Variants in MAMDC2 observed in about 807,000 individuals in gnomAD.
MAMDC2 encodes the protein MAM domain-containing protein 2.
Under a neutral mutation model 89.8 loss-of-function variants are expected in MAMDC2, and 57 were observed. The observed-to-expected ratio is 0.63, with a 90% CI of 0.51 to 0.79. The LOEUF (loss-of-function observed/expected upper bound fraction) is 0.79. Ranked by LOEUF, MAMDC2 falls within the 30% of genes least tolerant of loss-of-function variation. The probability of loss-of-function intolerance (pLI) is 0.00; values close to 1 mark genes in which losing one functional copy is unlikely to be tolerated. For synonymous variants in MAMDC2, 313 were observed against 293.4 expected (o/e 1.07, Z -0.68); for missense variants, 800 against 820.6 (o/e 0.97, Z 0.31).
At chr9:70,225,720 T>C (rs1195001625) in intron 12 of MAMDC2, 30 bp from the exon 13 acceptor site, 21 of 1,403,680 alleles carry the variant, frequency 1.5e-5, no homozygotes, top group Non-Finnish European at 2.0e-5. Context: ...GATGATTCTA[T>C]TTCTAAATTC....
chr9:70,114,298 G>A (rs1188632924), intron 5 of MAMDC2, among the ~76,000 whole-genome samples: 4 of 147,922 alleles, frequency 2.7e-5, no homozygotes, highest in African/African-American at 1.0e-4. Context: ...CAGAGACCCT[G>A]TGCAAAGGTT....
upstream of MAMDC2, chr9:70,043,714 CCA>C (rs1826660021): frequency 6.2e-6 from 1 of 160,218 alleles, no homozygotes; most frequent in Non-Finnish European, 1.4e-5. Context: ...AAGCGAGTTC[CCA>C]CCGCGGCTGG....
chr9:70,107,327 A>G (rs1828368843), intron 2 of MAMDC2, among the ~76,000 whole-genome samples: 1 of 152,134 alleles, frequency 6.6e-6, no homozygotes, highest in South Asian at 2.1e-4. Context: ...TTAGGAGGGT[A>G]GAGGGAGAAG....
chr9:70,132,318 A>C (rs1587500311), intron 7 of MAMDC2, among the ~76,000 whole-genome samples: 1 of 152,174 alleles, frequency 6.6e-6, no homozygotes, highest in Non-Finnish European at 1.5e-5. Context: ...ACCCAGATAA[A>C]TAAAATTGAC....
At chr9:70,167,973 A>T (rs956016394) in intron 9 of MAMDC2, among the ~76,000 whole-genome samples, 9 of 152,214 alleles carry the variant, frequency 5.9e-5, no homozygotes, top group Non-Finnish European at 1.2e-4. Context: ...TTTCCAAAAA[A>T]TCAATAGTGT....
At chr9:70,103,921 G>A (rs1828265414) in intron 2 of MAMDC2, among the ~76,000 whole-genome samples, 1 of 151,754 alleles carries the variant, frequency 6.6e-6, no homozygotes, top group Admixed American at 6.6e-5. Flanking sequence ...GGTGGAGGTT[G>A]CAGTGAGCCG....
At chr9:70,098,276 C>G (rs1217055989) in intron 2 of MAMDC2, among the ~76,000 whole-genome samples, 1 of 152,182 alleles carries the variant, frequency 6.6e-6, no homozygotes, top group Non-Finnish European at 1.5e-5. Context: ...CACTTACCAC[C>G]CTTTGGCAGG....
At position 70,065,440 on chromosome 9, in the gene MAMDC2, A is replaced by G. The variant is rs150413567; in HGVS notation, c.148+20743A>G. Among the ~76,000 whole-genome samples the G allele has an allele frequency of 4.8e-4, 73 of 152,286 alleles. No homozygotes were observed. In the East Asian group the frequency reaches 0.014, roughly 29 times the overall value. ...TTAAAATAGTATTTTAGTCTATTTTAAATGGCTTTGCTTTAGGAGATGCCT... is the reference window on the plus strand; with the variant it reads ...TTAAAATAGTATTTTAGTCTATTTTGAATGGCTTTGCTTTAGGAGATGCCT... On this transcript the variant is annotated intron_variant, in intron 2 of 13. Transcript: ENST00000377182.
At chr9:70,209,619 CG>C (rs2033307389) in intron 11 of MAMDC2, among the ~76,000 whole-genome samples, 1 of 151,426 alleles carries the variant, frequency 6.6e-6, no homozygotes, top group East Asian at 1.9e-4. Context: ...AAGGGTCTTT[CG>C]TATCTCTATC....
intron 2 of MAMDC2, among the ~76,000 whole-genome samples, chr9:70,091,832 A>T (rs988022842): frequency 1.3e-5 from 2 of 152,202 alleles, no homozygotes; most frequent in African/African-American, 4.8e-5. Flanking sequence ...TCTCCATGGC[A>T]ACCAACTTAT....
intron 11 of MAMDC2, among the ~76,000 whole-genome samples, chr9:70,171,771 G>T (rs1039814398): frequency 6.6e-6 from 1 of 152,072 alleles, no homozygotes; most frequent in African/African-American, 2.4e-5. Flanking sequence ...GGGCCACATT[G>T]GAAGAAGAAT....
chr9:70,121,162 AAACATTC>A (rs1486309504), intron 5 of MAMDC2, among the ~76,000 whole-genome samples: 1 of 152,232 alleles, frequency 6.6e-6, no homozygotes, highest in African/African-American at 2.4e-5. Context: ...GCTTGAAAAT[AAACATTC>A]AGGAACCGCC....
At chr9:70,135,482 T>TTA (rs1554674390) in intron 7 of MAMDC2, among the ~76,000 whole-genome samples, 4 of 152,150 alleles carry the variant, frequency 2.6e-5, no homozygotes, top group African/African-American at 9.7e-5. Flanking sequence ...GATTTTTTTT[T>TTA]ATCAGACCTC....
At chr9:70,225,659 C>T (rs1175516052) in intron 12 of MAMDC2, 91 bp from the exon 13 acceptor site, 9 of 753,422 alleles carry the variant, frequency 1.2e-5, no homozygotes, top group East Asian at 8.0e-5. Context: ...GAGCAATCTA[C>T]GTTTTCATAT....
intron 12 of MAMDC2, among the ~76,000 whole-genome samples, chr9:70,224,699 T>C (rs983652471): frequency 6.6e-6 from 1 of 152,030 alleles, no homozygotes; most frequent in African/African-American, 2.4e-5. Flanking sequence ...CAAACGCCAA[T>C]CTCTTTCAGA....
chr9:70,147,377 G>C (rs1203488174), intron 9 of MAMDC2, among the ~76,000 whole-genome samples: 1 of 150,104 alleles, frequency 6.7e-6, no homozygotes, highest in East Asian at 1.9e-4. Context: ...TTCCACCTCT[G>C]TTTCTTGATT....
chr9:70,186,978 G>A (rs187144182), intron 11 of MAMDC2, among the ~76,000 whole-genome samples: 111 of 152,092 alleles, frequency 7.3e-4, no homozygotes, highest in African/African-American at 2.5e-3. Flanking sequence ...TCTCCCACTA[G>A]GTCACACCTC....
chr9:70,162,276 A>G (rs2031999382), intron 9 of MAMDC2, among the ~76,000 whole-genome samples: 1 of 152,172 alleles, frequency 6.6e-6, no homozygotes. Context: ...TATAACAAAG[A>G]TTTGATTTGA....
At position 70,225,968 on chromosome 9, in the gene MAMDC2, A is replaced by G. The variant is rs749347020; in HGVS notation, c.1997A>G (p.Glu666Gly). 6.4e-7 allele frequency: 1 copy of G among 1,571,036 alleles called. No homozygotes were observed. The highest frequency in any genetic ancestry group is 1.2e-5 in the South Asian group (1 of 85,122). The part of the protein sequence containing the change: ...DVKFQAGPCG[E>G]MEDTTQQSSG... ...ATTGTATATTTGTCTTTCCTGACAG[A>G]AATGGAAGATACAACTCAACAATCA... is the stretch of plus-strand genomic sequence containing the variant. Residue 666 changes from glutamate (E) to glycine (G), a missense_variant and splice_region_variant, in exon 14 of 14, where the codon GAA becomes GGA. Glu to Gly is a moderately conservative substitution (Grantham distance 98). Coordinates refer to ENST00000377182, the MANE Select transcript of MAMDC2 (RefSeq NM_153267.5).
Sources: gnomAD v4.1 joint callset for allele counts (sites outside exome capture counted in the v4.1 genomes callset) on GRCh38, gnomAD v4.1.1 for gene constraint, MANE v1.5 for transcripts, NCBI Gene and HGNC (gene_info 2026-07-23, HGNC 2026-07-21) for gene names.